The following CPNE4 variants were observed in gnomAD, a reference collection of about 807,000 sequenced individuals.
CPNE4 encodes copine 4.
A neutral mutation model predicts 67.9 loss-of-function variants in CPNE4; 25 were observed. The ratio of observed to expected loss-of-function variants is 0.37; its 90% CI spans 0.27 to 0.51. CPNE4 has a LOEUF of 0.51. CPNE4 is among the 20% of genes least tolerant of loss of function. The probability of loss-of-function intolerance (pLI) is 0.93; values close to 1 mark genes in which losing one functional copy is unlikely to be tolerated. For synonymous variants in CPNE4, 242 were observed against 244.9 expected (o/e 0.99, Z 0.11); for missense variants, 464 against 690.8 (o/e 0.67, Z 3.68).
At chr3:131,894,476 A>G in intron 2 of CPNE4, among the ~76,000 whole-genome samples, 1 of 151,978 alleles carries the variant, frequency 6.6e-6, no homozygotes, top group East Asian at 1.9e-4. Context: ...CCAGACACCT[A>G]ACAAAGGGTT....
intron 1 of CPNE4, among the ~76,000 whole-genome samples, chr3:131,938,654 A>G (rs2107850037): frequency 6.6e-6 from 1 of 152,168 alleles, no homozygotes; most frequent in African/African-American, 2.4e-5. Context: ...GGAAACTGCC[A>G]AACACTTTTA....
intron 3 of CPNE4, among the ~76,000 whole-genome samples, chr3:131,715,678 C>A (rs930009561): frequency 6.6e-6 from 1 of 152,192 alleles, no homozygotes; most frequent in African/African-American, 2.4e-5. Context: ...TTAAAAATTT[C>A]TTTAATTATT....
rs529368789 is a variant in CPNE4, at chr3:131,894,849, C to T, written c.180+10415G>A. 3.9e-5 allele frequency among the ~76,000 whole-genome samples: 6 copies of T among 152,088 alleles called. No homozygotes were observed. In the South Asian group the frequency reaches 1.2e-3, roughly 32 times the overall value. Reference sequence around the variant, plus strand: ...TAGAACTATTATATTATCCAGCAATCCCACTACCAAGCATATATCCAAAGA... The same window carrying T: ...TAGAACTATTATATTATCCAGCAATTCCACTACCAAGCATATATCCAAAGA... On this transcript the variant is annotated intron_variant, in intron 2 of 15. Transcript: ENST00000429747.
intron 7 of CPNE4, among the ~76,000 whole-genome samples, chr3:131,631,529 T>C (rs889381650): frequency 6.6e-6 from 1 of 152,264 alleles, no homozygotes; most frequent in Non-Finnish European, 1.5e-5. Context: ...TGTGACTCTG[T>C]ATTTTTAAAT....
intron 2 of CPNE4, among the ~76,000 whole-genome samples, chr3:131,845,339 G>T (rs1463488373): frequency 6.6e-6 from 1 of 151,998 alleles, no homozygotes; most frequent in Non-Finnish European, 1.5e-5. Flanking sequence ...ACAGGAAATC[G>T]GTGCTTAAAA....
chr3:131,611,600 C>T (rs1313431707), intron 7 of CPNE4, among the ~76,000 whole-genome samples: 3 of 151,360 alleles, frequency 2.0e-5, no homozygotes, highest in East Asian at 1.9e-4. Context: ...GATCCTTAAC[C>T]GATGTCCTTT....
chr3:131,825,906 T>A (rs1284420781), intron 2 of CPNE4, among the ~76,000 whole-genome samples: 8 of 152,078 alleles, frequency 5.3e-5, no homozygotes, highest in Non-Finnish European at 1.2e-4. Flanking sequence ...CATAGAAAAA[T>A]TTCCAAGCAG....
rs576233901 is a variant in CPNE4, at chr3:131,614,059, G to T, written c.682-26477C>A. On this transcript the variant is annotated intron_variant, in intron 7 of 15. Transcript: ENST00000429747. ...TAGAGAAACATGAATCCACCTTTAG[G>T]CAAATGAGTTGTCTTGAGGATTTTA... 5.9e-5 allele frequency among the ~76,000 whole-genome samples: 9 copies of T among 152,242 alleles called. No individual in the cohort carries two copies. In the South Asian group the frequency reaches 1.9e-3, roughly 32 times the overall value.
intron 2 of CPNE4, among the ~76,000 whole-genome samples, chr3:131,816,280 C>T (rs1263676838): frequency 6.6e-6 from 1 of 152,170 alleles, no homozygotes; most frequent in African/African-American, 2.4e-5. Context: ...CTCAAACCTT[C>T]CATGCTATCA....
chr3:131,735,460 T>C (rs2082213570), intron 2 of CPNE4, among the ~76,000 whole-genome samples: 1 of 152,220 alleles, frequency 6.6e-6, no homozygotes, highest in Admixed American at 6.5e-5. Context: ...TTGAGAACCC[T>C]TCCCACTGTA....
At chr3:131,851,099 G>A (rs2086225265) in intron 2 of CPNE4, among the ~76,000 whole-genome samples, 1 of 88,708 alleles carries the variant, frequency 1.1e-5, no homozygotes, top group African/African-American at 4.4e-5. Context: ...TTGCATCATA[G>A]CATTTATATG....
intron 2 of CPNE4, among the ~76,000 whole-genome samples, chr3:131,846,020 C>A (rs1047862426): frequency 6.6e-6 from 1 of 152,114 alleles, no homozygotes; most frequent in Non-Finnish European, 1.5e-5. Context: ...GCATTTAAAG[C>A]CTGATAGCAT....
At chr3:131,766,020 A>G (rs1453702134) in intron 2 of CPNE4, among the ~76,000 whole-genome samples, 1 of 152,080 alleles carries the variant, frequency 6.6e-6, no homozygotes, top group Admixed American at 6.6e-5. Context: ...GGGCCTTGAA[A>G]TTGATAGGTT....
At chr3:131,770,286 C>G (rs915801094) in intron 2 of CPNE4, among the ~76,000 whole-genome samples, 3 of 152,156 alleles carry the variant, frequency 2.0e-5, no homozygotes, top group African/African-American at 7.2e-5. Flanking sequence ...AGACAGACAC[C>G]CCTTCTGAGA....
intron 7 of CPNE4, among the ~76,000 whole-genome samples, chr3:131,646,797 T>C (rs967685013): frequency 6.6e-5 from 10 of 152,184 alleles, no homozygotes; most frequent in African/African-American, 2.4e-4. Context: ...AAGAGATACA[T>C]AAGCATGTCA....
intron 11 of CPNE4, among the ~76,000 whole-genome samples, chr3:131,558,743 A>G (rs773804997): frequency 2.0e-5 from 3 of 152,050 alleles, no homozygotes; most frequent in Non-Finnish European, 4.4e-5. Flanking sequence ...GCTCACAGCA[A>G]TATGGCATCT....
intron 1 of CPNE4, among the ~76,000 whole-genome samples, chr3:131,968,649 A>T (rs2072422965): frequency 6.6e-6 from 1 of 152,248 alleles, no homozygotes; most frequent in Non-Finnish European, 1.5e-5. Flanking sequence ...TCAAAACCAC[A>T]ATGACATACC....
chr3:131,863,630 G>A (rs1396677868), intron 2 of CPNE4, among the ~76,000 whole-genome samples: 1 of 152,094 alleles, frequency 6.6e-6, no homozygotes, highest in Non-Finnish European at 1.5e-5. Context: ...AGTAGGTTGT[G>A]AAAATTTTCT....
Position 131,713,516 on chromosome 3 carries a change from A to G in CPNE4, c.360+9930T>C, listed in dbSNP as rs533447512. 1.9e-4 allele frequency among the ~76,000 whole-genome samples: 29 copies of G among 152,314 alleles called. No homozygotes were observed. The East Asian group carries it at 5.4e-3, about 28-fold the overall frequency. On this transcript the variant is annotated intron_variant, in intron 3 of 15. Coordinates refer to ENST00000429747, the MANE Select transcript of CPNE4 (RefSeq NM_130808.3). ...TTTCGAAAACAAGAAAAGGAAAGAG[A>G]TGAATGAGAATCATTGACTATTAGA...
Sources: allele counts gnomAD v4.1 joint callset (sites outside exome capture counted in the v4.1 genomes callset), GRCh38; gene constraint gnomAD v4.1.1; transcripts MANE v1.5; gene names NCBI Gene and HGNC (gene_info 2026-07-23, HGNC 2026-07-21).